The following TCOF1 variants were observed in gnomAD, a reference collection of about 807,000 sequenced individuals.
The protein encoded by TCOF1 is treacle ribosome biogenesis factor 1, also known as treacle protein.
TCOF1 carries 33 observed loss-of-function variants against 149.0 expected under a neutral mutation model. The observed-to-expected ratio is 0.22, with a 90% confidence interval of 0.17 to 0.30. TCOF1 has a LOEUF of 0.30. Ranked by LOEUF, TCOF1 falls within the 10% of genes least tolerant of loss-of-function variation. The probability of loss-of-function intolerance (pLI) is 1.00; values close to 1 mark genes in which losing one functional copy is unlikely to be tolerated. For synonymous variants in TCOF1, 789 were observed against 738.8 expected (o/e 1.07, Z -1.10); for missense variants, 1,728 against 1,840.7 (o/e 0.94, Z 1.12).
At chr5:150,382,922 TC>T (rs952926190) in intron 17 of TCOF1, 1 of 638,602 alleles carries the variant, frequency 1.6e-6, no homozygotes, top group Non-Finnish European at 2.7e-6. Context: ...CCAGCAGGTA[TC>T]CCTGTGCATG....
chr5:150,359,789 A>G (rs114582837), intron 1 of TCOF1, among the ~76,000 whole-genome samples: 1 of 152,326 alleles, frequency 6.6e-6, no homozygotes, highest in Non-Finnish European at 1.5e-5. Flanking sequence ...GAAAAAGTTT[A>G]ATAAGTTAAT....
chr5:150,368,611 ACT>A, intron 4 of TCOF1, 103 bp from the exon 5 acceptor site: 2 of 1,378,682 alleles, frequency 1.5e-6, no homozygotes, highest in South Asian at 2.4e-5. Flanking sequence ...GTTTACCCAA[ACT>A]CACACAGCTA....
chr5:150,369,050 TC>T, intron 5 of TCOF1, 148 bp downstream of exon 5: 2 of 1,081,418 alleles, frequency 1.8e-6, no homozygotes, highest in Non-Finnish European at 2.7e-6. Flanking sequence ...ACTTTTCTCA[TC>T]ACCTAGACGA....
At position 150,399,813 on chromosome 5, in the gene TCOF1, T is replaced by C. The variant is rs1769412574; in HGVS notation, c.*26T>C. ...TGCATGTGTTTCCTTCCCCTAGGGA[T>C]TTCCTAGCCGAGCAGTGGCCATCCC... On this transcript the variant is annotated 3_prime_UTR_variant, in exon 27 of 27. Transcript: ENST00000643257. 6.5e-6 allele frequency: 1 copy of C among 153,118 alleles called. No homozygotes were observed. Among genetic ancestry groups the C allele is most frequent in the Non-Finnish European group, 1.5e-5 (1 of 68,722 alleles). 9.5% of individuals were successfully genotyped at this position (153,118 alleles called of 1,614,324 possible).
chr5:150,358,214 A>G (rs913051927), intron 1 of TCOF1, among the ~76,000 whole-genome samples: 1 of 151,956 alleles, frequency 6.6e-6, no homozygotes, highest in Non-Finnish European at 1.5e-5. Context: ...CCCTGGGGCA[A>G]GGAGGTTGCT....
intron 2 of TCOF1, among the ~76,000 whole-genome samples, chr5:150,363,219 G>A (rs1032587024): frequency 6.6e-6 from 1 of 152,142 alleles, no homozygotes; most frequent in Non-Finnish European, 1.5e-5. Flanking sequence ...TTTTTGTTGG[G>A]GGAAAAGAGG....
chr5:150,363,591 T>A (rs1760654355), intron 2 of TCOF1, among the ~76,000 whole-genome samples: 1 of 151,532 alleles, frequency 6.6e-6, no homozygotes, highest in South Asian at 2.1e-4. Flanking sequence ...AGGGGAGGAG[T>A]CTAGGAAGTA....
chr5:150,392,788 C>A lies in TCOF1; in HGVS notation c.3601C>A (p.Gln1201Lys), dbSNP rs1260800051. The change falls in exon 22 of 27, where the codon CAG (glutamine) becomes AAG (lysine). Residue 1201 changes from glutamine to lysine, a missense_variant and splice_region_variant. Coordinates refer to ENST00000643257, the MANE Select transcript of TCOF1 (RefSeq NM_001371623.1). ...CGAGGATGATGTGGTGGCGCCATCC[C>A]AGGTAACTGCAAGGGAGAGGACTGG... is the stretch of plus-strand genomic sequence containing the variant. ...SSEDDVVAPS[Q>K]SLLSGYMTPG... is the part of the protein sequence containing the mutation. 4 of 1,613,876 alleles carry A rather than the reference C, an allele frequency of 2.5e-6. No individual in the cohort carries two copies. Among genetic ancestry groups the A allele is most frequent in the Non-Finnish European group, 3.4e-6 (4 of 1,179,960 alleles).
At chr5:150,398,926 A>C in intron 25 of TCOF1, 96 bp from the exon 26 acceptor site, 3 of 1,568,550 alleles carry the variant, frequency 1.9e-6, no homozygotes, top group Non-Finnish European at 2.6e-6. Context: ...CCCAGTATCT[A>C]TTCTAGGGGA....
intron 15 of TCOF1, 66 bp downstream of exon 15, chr5:150,379,108 G>T: frequency 6.2e-7 from 1 of 1,613,836 alleles, no homozygotes; most frequent in Non-Finnish European, 8.5e-7. Flanking sequence ...CAGTCACTGA[G>T]CCCAGCCAGG....
rs1166174033 is a variant in TCOF1 at position 150,383,908 on chromosome 5, C to T, written c.2860-3994C>T. On this transcript the variant is annotated intron_variant, in intron 17 of 26. Coordinates refer to ENST00000643257, the MANE Select transcript of TCOF1 (RefSeq NM_001371623.1). Reference sequence around the variant, plus strand: ...CTTATCTTCCTGTACTCCAGAGGCCCAAGTCAGCCATGCTGGTGTGGTCCA... The same window carrying T: ...CTTATCTTCCTGTACTCCAGAGGCCTAAGTCAGCCATGCTGGTGTGGTCCA... 4 of 1,519,478 alleles carry T rather than the reference C, an allele frequency of 2.6e-6. No individual in the cohort carries two copies. In the East Asian group the frequency reaches 7.4e-5, roughly 28 times the overall value. The allele number at this position is 1,519,478 out of a possible 1,614,324, so 94.1% of individuals were successfully genotyped here. A position where few individuals can be genotyped will look rare whatever the true frequency, so the allele number is the denominator to read the frequency against.
chr5:150,390,096 C>A (rs373431332), intron 19 of TCOF1, 73 bp downstream of exon 19: 12 of 1,547,446 alleles, frequency 7.8e-6, no homozygotes, highest in African/African-American at 2.7e-5. Flanking sequence ...CCCACATGTG[C>A]TGATGGGATG....
intron 21 of TCOF1, 45 bp downstream of exon 21, chr5:150,392,221 G>A (rs1328993306): frequency 1.3e-6 from 2 of 1,594,504 alleles, no homozygotes; most frequent in African/African-American, 2.7e-5. Context: ...GGAAGAGGGT[G>A]TTGTGTGGCC....
chr5:150,384,186 AT>A, intron 17 of TCOF1: 1 of 1,019,564 alleles, frequency 9.8e-7, no homozygotes, highest in South Asian at 4.4e-5. Context: ...ACCTCCAGCA[AT>A]AGGGTGCTCA....
chr5:150,383,977 CT>C, intron 17 of TCOF1: 6 of 1,421,248 alleles, frequency 4.2e-6, no homozygotes, highest in Non-Finnish European at 3.7e-6. Context: ...CAGCATTACC[CT>C]TTGTCCTCCT....
At chr5:150,387,439 C>T (rs534515496) in intron 17 of TCOF1, among the ~76,000 whole-genome samples, 1 of 152,298 alleles carries the variant, frequency 6.6e-6, no homozygotes, top group African/African-American at 2.4e-5. Context: ...CTGTAAATAC[C>T]TCCCCAGGTG....
At chr5:150,360,072 A>G (rs1414036459) in intron 1 of TCOF1, among the ~76,000 whole-genome samples, 1 of 152,234 alleles carries the variant, frequency 6.6e-6, no homozygotes, top group Admixed American at 6.5e-5. Flanking sequence ...GAGGTGGAGC[A>G]GAGGGAAACT....
At chr5:150,373,003 C>T (rs965725399) in intron 7 of TCOF1, among the ~76,000 whole-genome samples, 4 of 152,192 alleles carry the variant, frequency 2.6e-5, no homozygotes, top group African/African-American at 9.7e-5. Context: ...CAGGGAACTT[C>T]TACGCCTCGG....
In TCOF1 at chr5:150,400,010, A is replaced by T. The variant is rs1769448756; in HGVS notation, c.*223A>T. 6.6e-6 allele frequency: 1 copy of T among 152,054 alleles called. No homozygotes were observed. Among genetic ancestry groups the T allele is most frequent in the African/African-American group, 2.4e-5 (1 of 41,316 alleles). The allele number at this position is 152,054 out of a possible 1,614,324, so 9.4% of individuals were successfully genotyped here. ...AAAGTGGACCAGCTCCCATGACCTC[A>T]CCCCACTCCCCCAACACAGGACGCT... On this transcript the variant is annotated 3_prime_UTR_variant, in exon 27 of 27. Coordinates refer to ENST00000643257, the MANE Select transcript of TCOF1 (RefSeq NM_001371623.1).
Sources: allele counts gnomAD v4.1 joint callset (sites outside exome capture counted in the v4.1 genomes callset), GRCh38; gene constraint gnomAD v4.1.1; transcripts MANE v1.5; gene names NCBI Gene and HGNC (gene_info 2026-07-23, HGNC 2026-07-21).